Variants in GNPAT observed in about 807,000 individuals in gnomAD.
The protein encoded by GNPAT is glyceronephosphate O-acyltransferase, also known as dihydroxyacetone phosphate acyltransferase.
Under a neutral mutation model 78.4 loss-of-function variants are expected in GNPAT, and 30 were observed. The observed-to-expected ratio is 0.38, with a 90% CI of 0.29 to 0.52. The LOEUF is 0.52. GNPAT is among the 20% of genes least tolerant of loss of function. The pLI is 0.84. For synonymous variants in GNPAT, 271 were observed against 281.1 expected (o/e 0.96, Z 0.36); for missense variants, 714 against 812.2 (o/e 0.88, Z 1.47).
chr1:231,243,301 T>C (rs1684664217), intron 1 of GNPAT, among the ~76,000 whole-genome samples: 1 of 152,194 alleles, frequency 6.6e-6, no homozygotes. Context: ...ATATCTAAGC[T>C]GATCTTCCTT....
chr1:231,275,549 G>A (rs1357540403), intron 14 of GNPAT, 51 bp downstream of exon 14: 1 of 1,020,246 alleles, frequency 9.8e-7, no homozygotes, highest in East Asian at 2.4e-5. Flanking sequence ...GGAAATGAAT[G>A]ACATTTGAGC....
intron 1 of GNPAT, among the ~76,000 whole-genome samples, chr1:231,244,442 G>A (rs1405514489): frequency 6.6e-6 from 1 of 152,214 alleles, no homozygotes; most frequent in Non-Finnish European, 1.5e-5. Context: ...CCATTTGAAT[G>A]TGGTGGCTAA....
chr1:231,251,012 C>T lies in GNPAT; in HGVS notation c.130C>T (p.His44Tyr), dbSNP rs1684880996. ...EFEDILEERR[H>Y]VSDLKFAMKC... is the part of the protein sequence containing the mutation. ...TGAAGATATTTTAGAAGAGAGGAGG[C>T]ATGTCAGTGACTTGAAATTTGCAAT... is the stretch of plus-strand genomic sequence containing the variant. The change falls in exon 2 of 16, where the codon CAT becomes TAT. Residue 44 changes from histidine to tyrosine, a missense_variant. Physicochemically the swap from His to Tyr is moderately conservative, Grantham distance 83. Transcript: ENST00000366647. 1 of 1,610,700 alleles carries T rather than the reference C, an allele frequency of 6.2e-7. No homozygotes were observed. The highest frequency in any genetic ancestry group is 1.7e-5 in the Admixed American group (1 of 59,988).
intron 13 of GNPAT, 24 bp from the exon 14 acceptor site, chr1:231,275,381 A>T: frequency 6.4e-7 from 1 of 1,568,148 alleles, no homozygotes; most frequent in Non-Finnish European, 8.8e-7. Flanking sequence ...TGGTCAACTA[A>T]CTCTTCCTCA....
At chr1:231,271,083 TA>T (rs1685551942) in intron 10 of GNPAT, 83 bp downstream of exon 10, 2 of 1,463,230 alleles carry the variant, frequency 1.4e-6, no homozygotes, top group African/African-American at 2.8e-5. Flanking sequence ...TGAAGCCTTG[TA>T]ATGTTCAGCC....
chr1:231,257,906 G>GC (rs1685110106), intron 2 of GNPAT, among the ~76,000 whole-genome samples: 1 of 152,108 alleles, frequency 6.6e-6, no homozygotes, highest in African/African-American at 2.4e-5. Context: ...TTCAGGGCTG[G>GC]CCCCACCACC....
chr1:231,242,025 T>C (rs1684626458), intron 1 of GNPAT, among the ~76,000 whole-genome samples: 1 of 152,232 alleles, frequency 6.6e-6, no homozygotes, highest in African/African-American at 2.4e-5. Context: ...ACAAATCATT[T>C]TGGAGGACAG....
intron 4 of GNPAT, among the ~76,000 whole-genome samples, chr1:231,264,638 A>G (rs1049165296): frequency 2.6e-5 from 4 of 152,212 alleles, no homozygotes; most frequent in African/African-American, 7.2e-5. Context: ...ATGAAGAGAA[A>G]GACTATTTTA....
At chr1:231,270,670 A>C (rs1317224318) in intron 9 of GNPAT, 88 bp from the exon 10 acceptor site, 1 of 1,254,940 alleles carries the variant, frequency 8.0e-7, no homozygotes, top group Admixed American at 1.7e-5. Flanking sequence ...AGCATCTGTC[A>C]CGTTACCATT....
In GNPAT at chr1:231,265,702, C is replaced by T. The variant is rs1685362018; in HGVS notation, c.697-10C>T. The T allele has an allele frequency of 1.3e-6, 2 of 1,547,626 alleles. No homozygotes were observed. The highest frequency in any genetic ancestry group is 2.7e-5 in the African/African-American group (2 of 73,622). ...ATGGGTTTTGTGTTTTGTTTGTTTTCTCTTTAAAGAATGGTTATGCTCCTG... is the reference window on the plus strand; with the variant it reads ...ATGGGTTTTGTGTTTTGTTTGTTTTTTCTTTAAAGAATGGTTATGCTCCTG... On this transcript the variant is annotated splice_polypyrimidine_tract_variant and intron_variant, in intron 5 of 15. Transcript: ENST00000366647.
intron 2 of GNPAT, chr1:231,258,158 A>G (rs1240491375): frequency 1.3e-5 from 2 of 152,088 alleles, no homozygotes; most frequent in African/African-American, 4.8e-5. Context: ...TCCAGCTGTT[A>G]TTAGGATTAT....
At chr1:231,269,698 T>C (rs1170097957) in intron 9 of GNPAT, among the ~76,000 whole-genome samples, 1 of 152,158 alleles carries the variant, frequency 6.6e-6, no homozygotes, top group Non-Finnish European at 1.5e-5. Context: ...CTAAAAGGGC[T>C]CAAACCCATC....
At chr1:231,268,573 G>C (rs940494167) in intron 9 of GNPAT, among the ~76,000 whole-genome samples, 7 of 142,592 alleles carry the variant, frequency 4.9e-5, no homozygotes, top group African/African-American at 1.6e-4. Flanking sequence ...CCAGGAGTTC[G>C]AGACCAGCCT....
chr1:231,250,963 G>A lies in GNPAT; in HGVS notation c.81G>A (p.Lys27=), dbSNP rs754452448. The A allele has an allele frequency of 6.2e-7, 1 of 1,602,198 alleles. No homozygotes were observed. The highest frequency in any genetic ancestry group is 8.5e-7 in the Non-Finnish European group (1 of 1,169,870). ...SPSAVVLLYS[K]ELKKWDEFED... The stretch of plus-strand genomic sequence containing the variant: ...TTACTTTCTTGCCTTATCCACAGAA[G>A]GAGCTCAAAAAGTGGGATGAGTTTG... Residue 27 remains lysine (K), a splice_region_variant and synonymous_variant, in exon 2 of 16, where the codon AAG becomes AAA. Coordinates refer to ENST00000366647, the MANE Select transcript of GNPAT (RefSeq NM_014236.4).
intron 2 of GNPAT, among the ~76,000 whole-genome samples, chr1:231,258,758 G>C (rs1685137641): frequency 6.9e-6 from 1 of 145,954 alleles, no homozygotes; most frequent in Admixed American, 7.1e-5. Flanking sequence ...AGCCTCCCGA[G>C]TAGCTGGGAC....
At chr1:231,266,581 T>G (rs1282243708) in intron 8 of GNPAT, among the ~76,000 whole-genome samples, 174 bp downstream of exon 8, 1 of 152,226 alleles carries the variant, frequency 6.6e-6, no homozygotes, top group Admixed American at 6.5e-5. Context: ...TAAAGAAGAA[T>G]TATGTGTTTG....
At chr1:231,276,798 A>G (rs147496236) in intron 15 of GNPAT, among the ~76,000 whole-genome samples, 20 of 152,352 alleles carry the variant, frequency 1.3e-4, no homozygotes, top group African/African-American at 4.6e-4. Context: ...TTTCCTAGCA[A>G]TGATGCGGCC....
At chr1:231,273,807 GC>G in intron 11 of GNPAT, 114 bp from the exon 12 acceptor site, 1 of 806,130 alleles carries the variant, frequency 1.2e-6, no homozygotes, top group Non-Finnish European at 2.1e-6. Flanking sequence ...GCATGTGGCT[GC>G]ATATATTCAG....
intron 1 of GNPAT, among the ~76,000 whole-genome samples, chr1:231,244,438 G>C (rs1684695509): frequency 6.6e-6 from 1 of 152,170 alleles, no homozygotes. Context: ...GGAACCATTT[G>C]AATGTGGTGG....
Sources: allele counts gnomAD v4.1 joint callset (sites outside exome capture counted in the v4.1 genomes callset), GRCh38; gene constraint gnomAD v4.1.1; transcripts MANE v1.5; gene names NCBI Gene and HGNC (gene_info 2026-07-23, HGNC 2026-07-21).